The following ARID3A variants were observed in gnomAD, a reference collection of about 807,000 sequenced individuals.
ARID3A encodes the protein AT-rich interactive domain-containing protein 3A.
A neutral mutation model predicts 52.7 loss-of-function variants in ARID3A; 11 were observed. That is an observed-to-expected ratio of 0.21 (90% CI 0.13 to 0.35). ARID3A has a LOEUF of 0.35. Among genes scored for constraint, ARID3A ranks in the 10% least tolerant of loss-of-function variants. ARID3A has a pLI of 1.00. For missense variants in ARID3A, 721 were observed against 838.5 expected (o/e 0.86, Z 1.73); for synonymous variants, 404 against 359.4 (o/e 1.12, Z -1.40).
At chr19:933,846 T>TGGG (rs1555726109) in intron 3 of ARID3A, among the ~76,000 whole-genome samples, 28 of 43,282 alleles carry the variant, frequency 6.5e-4, no homozygotes, top group African/African-American at 1.1e-3. Context: ...GGGGACTCGG[T>TGGG]GGGGGGGGGG....
At chr19:967,887 A>C (rs1370752414) in intron 7 of ARID3A, among the ~76,000 whole-genome samples, 1 of 151,806 alleles carries the variant, frequency 6.6e-6, no homozygotes, top group African/African-American at 2.4e-5. Flanking sequence ...TCTACTAAAA[A>C]TACAAAAATT....
At position 974,576 on chromosome 19, in the gene ARID3A, C is replaced by A. The variant is rs1192014128; in HGVS notation, c.*2511C>A. 5 of 230,224 alleles carry A rather than the reference C, an allele frequency of 2.2e-5. No homozygotes were observed. The highest frequency in any genetic ancestry group is 1.7e-5 in the Non-Finnish European group (2 of 116,276). 14.3% of individuals were successfully genotyped at this position (230,224 alleles called of 1,614,324 possible). On this transcript the variant is annotated 3_prime_UTR_variant, in exon 9 of 9. Coordinates refer to ENST00000263620, the MANE Select transcript of ARID3A (RefSeq NM_005224.3). ...CAAAATCTGAGCCCCTGGGGTGCCT[C>A]TCCCCCGCCTCCCGTGCACCAGGGT... is the stretch of plus-strand genomic sequence containing the variant.
rs921470073 is a variant in ARID3A, at chr19:973,103, A to T, written c.*1038A>T. 2.1e-4 allele frequency: 3 copies of T among 13,990 alleles called. No individual in the cohort carries two copies. Among genetic ancestry groups the T allele is most frequent in the African/African-American group, 3.4e-4 (2 of 5,850 alleles). 0.9% of individuals were successfully genotyped at this position (13,990 alleles called of 1,614,324 possible). ...TGGGCTCTCGAGTCAGGGGCCTGGA[A>T]ATTTTTTTTTTTTTTTTTTTTTGAG... On this transcript the variant is annotated 3_prime_UTR_variant, in exon 9 of 9. Transcript: ENST00000263620.
intron 8 of ARID3A, among the ~76,000 whole-genome samples, chr19:969,530 C>T (rs1265099406): frequency 1.3e-5 from 2 of 151,246 alleles, no homozygotes; most frequent in Non-Finnish European, 2.9e-5. Context: ...GAGTGAGATC[C>T]CGTCCTTCTC....
chr19:927,221 C>A (rs958151978), intron 1 of ARID3A, among the ~76,000 whole-genome samples: 8 of 152,146 alleles, frequency 5.3e-5, no homozygotes, highest in African/African-American at 1.9e-4. Flanking sequence ...CCCCCCACCC[C>A]TGCCTGGTCC....
intron 3 of ARID3A, among the ~76,000 whole-genome samples, chr19:946,460 T>TTTTTTTTTTTA (rs2037683334): frequency 7.1e-6 from 1 of 140,548 alleles, no homozygotes; most frequent in Non-Finnish European, 1.5e-5. Context: ...TTTTTTTTTT[T>TTTTTTTTTTTA]GAGACGGAGT....
intron 3 of ARID3A, among the ~76,000 whole-genome samples, chr19:940,738 G>A (rs1036409894): frequency 3.3e-5 from 5 of 152,154 alleles, no homozygotes; most frequent in African/African-American, 7.2e-5. Flanking sequence ...CCAGGCCCTC[G>A]GCCGCCAGCC....
Position 944,407 on chromosome 19 carries a change from G to A in ARID3A, c.693+11665G>A, listed in dbSNP as rs2037632172. ...GGAGGCCTGTCTGGGTAGGAGTGTC[G>A]GTGGGGGCGGTCCCACACGGCCATG... On this transcript the variant is annotated intron_variant, in intron 3 of 8. Coordinates refer to ENST00000263620, the MANE Select transcript of ARID3A (RefSeq NM_005224.3). This position sits in a 1 kb window ranked among gnomAD's most constrained non-coding sequence, Gnocchi z 5.9. 1.3e-5 allele frequency among the ~76,000 whole-genome samples: 2 copies of A among 152,150 alleles called. No individual in the cohort carries two copies. The highest frequency in any genetic ancestry group is 1.9e-4 in the East Asian group (1 of 5,180).
intron 4 of ARID3A, among the ~76,000 whole-genome samples, chr19:962,414 G>A (rs1475785611): frequency 1.3e-5 from 2 of 151,472 alleles, no homozygotes; most frequent in African/African-American, 2.4e-5. Context: ...GCCCCACGAC[G>A]GGCCCTGGTG....
At chr19:962,550 T>G (rs1464812694) in intron 4 of ARID3A, among the ~76,000 whole-genome samples, 1 of 143,476 alleles carries the variant, frequency 7.0e-6, no homozygotes, top group Non-Finnish European at 1.5e-5. Context: ...GTTTTGCTTT[T>G]GTTGCTGAGG....
intron 3 of ARID3A, among the ~76,000 whole-genome samples, chr19:954,931 G>A (rs1350264079): frequency 6.6e-6 from 1 of 152,200 alleles, no homozygotes; most frequent in African/African-American, 2.4e-5. Flanking sequence ...GTGGAGGGGA[G>A]TGCGGGCCGC....
At chr19:958,871 G>A (rs1392321746) in intron 3 of ARID3A, among the ~76,000 whole-genome samples, 1 of 151,896 alleles carries the variant, frequency 6.6e-6, no homozygotes, top group Non-Finnish European at 1.5e-5. Context: ...CCAGCCTGGG[G>A]ACAGCGAGAC....
chr19:955,944 C>T (rs979499896), intron 3 of ARID3A, among the ~76,000 whole-genome samples: 2 of 152,164 alleles, frequency 1.3e-5, no homozygotes, highest in Non-Finnish European at 1.5e-5. Context: ...GCGCTCCCTC[C>T]AGGGGCTGCA....
At position 974,479 on chromosome 19, in the gene ARID3A, C is replaced by G. The variant is rs924023536; in HGVS notation, c.*2414C>G. 1 of 230,978 alleles carries G rather than the reference C, an allele frequency of 4.3e-6. No homozygotes were observed. Among genetic ancestry groups the G allele is most frequent in the African/African-American group, 2.2e-5 (1 of 45,148 alleles). 14.3% of individuals were successfully genotyped at this position (230,978 alleles called of 1,614,324 possible). A position where few individuals can be genotyped will look rare whatever the true frequency, so the allele number is the denominator to read the frequency against. ...GGCTCCTCTCCCGGGACCCCCGTCC[C>G]ACGCCTGGGCCCCGCGCCGGGGGAA... On this transcript the variant is annotated 3_prime_UTR_variant, in exon 9 of 9. Coordinates refer to ENST00000263620, the MANE Select transcript of ARID3A (RefSeq NM_005224.3).
chr19:969,003 G>A (rs2038221816), intron 8 of ARID3A, among the ~76,000 whole-genome samples: 1 of 151,984 alleles, frequency 6.6e-6, no homozygotes, highest in Non-Finnish European at 1.5e-5. Flanking sequence ...TAAGCCCAGG[G>A]GTTAGAGACT....
At chr19:927,835 A>G (rs574136751) in intron 1 of ARID3A, among the ~76,000 whole-genome samples, 10 of 152,110 alleles carry the variant, frequency 6.6e-5, no homozygotes, top group African/African-American at 2.4e-4. Flanking sequence ...CCCACAACAG[A>G]TGGAACAGAG....
At chr19:928,038 G>C (rs1055433904) in intron 1 of ARID3A, among the ~76,000 whole-genome samples, 24 of 152,220 alleles carry the variant, frequency 1.6e-4, no homozygotes, top group Middle Eastern at 6.8e-3. Flanking sequence ...GACCTGGGTG[G>C]GGTCGGGTCA....
intron 1 of ARID3A, 130 bp downstream of exon 1, chr19:926,189 C>T (rs1400540050): frequency 1.3e-5 from 2 of 150,890 alleles, no homozygotes; most frequent in African/African-American, 4.9e-5. Context: ...CTACGAGCCG[C>T]CCTGCGCGGT....
At chr19:948,853 G>T (rs1026503323) in intron 3 of ARID3A, among the ~76,000 whole-genome samples, 2 of 152,026 alleles carry the variant, frequency 1.3e-5, no homozygotes, top group Non-Finnish European at 2.9e-5. Flanking sequence ...GGGACTACAG[G>T]CGTGCGCCAC....
Sources: allele counts gnomAD v4.1 joint callset (sites outside exome capture counted in the v4.1 genomes callset), GRCh38; gene constraint gnomAD v4.1.1; non-coding constraint Gnocchi (gnomAD v3.1); transcripts MANE v1.5; gene names NCBI Gene and HGNC (gene_info 2026-07-23, HGNC 2026-07-21).